Variants in RTL4 observed in about 807,000 individuals in gnomAD.
RTL4 encodes the protein retrotransposon Gag-like protein 4.
Under a neutral mutation model 5.3 loss-of-function variants are expected in RTL4, and 4 were observed. That is an observed-to-expected ratio of 0.75 (90% CI 0.37 to 1.72). The LOEUF (loss-of-function observed/expected upper bound fraction) is 1.72, where lower values mean the gene tolerates loss of function less well. Among genes scored for constraint, RTL4 ranks in the 40% most tolerant of loss-of-function variants. The pLI, the probability that RTL4 is intolerant of heterozygous loss-of-function variation, is 0.04. For missense variants in RTL4, 260 were observed against 227.1 expected, an observed-to-expected ratio of 1.14 and a Z score of -0.93; for synonymous variants, 98 against 87.3, an observed-to-expected ratio of 1.12 and a Z score of -0.68.
At chrX:112,085,698 C>A in the RTL4 span, among the ~76,000 whole-genome samples, 1 of 111,592 alleles carries the variant, frequency 9.0e-6, no homozygotes, top group Admixed American at 9.5e-5. Context: ...CACTGGGGAG[C>A]AAAATTATCC....
chrX:112,424,458 ATCT>A, the RTL4 span, among the ~76,000 whole-genome samples: 1 of 111,348 alleles, frequency 9.0e-6, no homozygotes, highest in Non-Finnish European at 1.9e-5. Flanking sequence ...TTGAAAATAA[ATCT>A]TCTGGTAACT....
chrX:112,402,399 ATT>A, the RTL4 span, among the ~76,000 whole-genome samples: 227 of 62,059 alleles, frequency 3.7e-3, 1 homozygote, highest in African/African-American at 0.012. Context: ...CGGAATTATT[ATT>A]GTGTGTGTGT....
the RTL4 span, among the ~76,000 whole-genome samples, chrX:112,092,039 C>T: frequency 9.0e-6 from 1 of 111,204 alleles, no homozygotes; most frequent in Non-Finnish European, 1.9e-5. Flanking sequence ...TTATAGGTAT[C>T]CTAAGCCTTT....
the RTL4 span, among the ~76,000 whole-genome samples, chrX:112,387,445 C>G: frequency 1.3e-4 from 14 of 108,532 alleles, no homozygotes; most frequent in African/African-American, 4.1e-4. Flanking sequence ...CATTTCTCAG[C>G]ACCATCCTGG....
At chrX:112,252,106 C>T in the RTL4 span, among the ~76,000 whole-genome samples, 5 of 111,939 alleles carry the variant, frequency 4.5e-5, no homozygotes, top group Non-Finnish European at 9.4e-5. Flanking sequence ...AAGATAAACA[C>T]GACATCTCTC....
At chrX:112,167,705 A>G in the RTL4 span, among the ~76,000 whole-genome samples, 2 of 107,347 alleles carry the variant, frequency 1.9e-5, no homozygotes, top group African/African-American at 6.8e-5. Context: ...TTGTTTTTCA[A>G]TCCTGCTCAT....
chrX:112,093,543 C>T, the RTL4 span, among the ~76,000 whole-genome samples: 1 of 111,653 alleles, frequency 9.0e-6, no homozygotes, highest in Admixed American at 9.5e-5. Flanking sequence ...TTGTTGGATA[C>T]CTCTTGTGTG....
At chrX:112,394,829 T>C in the RTL4 span, among the ~76,000 whole-genome samples, 45 of 112,333 alleles carry the variant, frequency 4.0e-4, no homozygotes, top group African/African-American at 1.4e-3. Context: ...GAAAGTATGG[T>C]AAATTCTTTT....
the RTL4 span, among the ~76,000 whole-genome samples, chrX:112,087,474 A>C: frequency 9.0e-6 from 1 of 110,668 alleles, no homozygotes; most frequent in Admixed American, 9.7e-5. Flanking sequence ...ATCATGTTTT[A>C]TAAAATCTAT....
At chrX:112,454,997 C>A in exon 1 of RTL4, 2 of 1,211,755 alleles carry the variant, frequency 1.7e-6, no homozygotes, top group Non-Finnish European at 2.2e-6. Context: ...ATCTCTAATC[C>A]TGCAAATGAT....
chrX:112,221,696 A>G, the RTL4 span, among the ~76,000 whole-genome samples: 1 of 112,615 alleles, frequency 8.9e-6, no homozygotes, highest in South Asian at 3.7e-4. Context: ...TCTCATGTAA[A>G]TCACGTAAAC....
chrX:112,456,045 G>A (rs941587148), exon 1 of RTL4: 29 of 281,203 alleles, frequency 1.0e-4, no homozygotes, highest in African/African-American at 7.3e-4. Flanking sequence ...AATCTTGTGT[G>A]CCTAGAAATG....
chrX:112,410,878 G>A, the RTL4 span, among the ~76,000 whole-genome samples: 1 of 111,243 alleles, frequency 9.0e-6, no homozygotes, highest in African/African-American at 3.3e-5. Flanking sequence ...AATAAATAAA[G>A]ATCAGAGCAG....
the RTL4 span, among the ~76,000 whole-genome samples, chrX:112,387,885 A>AT: frequency 1.8e-5 from 2 of 111,718 alleles, no homozygotes; most frequent in African/African-American, 6.5e-5. Context: ...TTTGTTTATG[A>AT]TTGCCTTGGC....
chrX:112,352,225 G>T, the RTL4 span, among the ~76,000 whole-genome samples: 2 of 111,384 alleles, frequency 1.8e-5, no homozygotes, highest in Non-Finnish European at 3.8e-5. Context: ...TAGAGTTTCT[G>T]CTGAGAGATC....
At chrX:112,209,622 C>T in the RTL4 span, among the ~76,000 whole-genome samples, 1 of 111,544 alleles carries the variant, frequency 9.0e-6, no homozygotes, top group African/African-American at 3.3e-5. Context: ...AGACGATGGG[C>T]ATTTGAGCCA....
the RTL4 span, among the ~76,000 whole-genome samples, chrX:112,300,291 T>C: frequency 8.9e-4 from 100 of 112,505 alleles, no homozygotes; most frequent in Non-Finnish European, 1.4e-3. Context: ...TTTTATTTAA[T>C]TGGTCCTCTG....
chrX:112,401,636 A>G, the RTL4 span, among the ~76,000 whole-genome samples: 1 of 110,759 alleles, frequency 9.0e-6, no homozygotes, highest in Non-Finnish European at 1.9e-5. Flanking sequence ...TTACATTAAC[A>G]CCCTTTAATT....
chrX:112,347,480 G>A, the RTL4 span, among the ~76,000 whole-genome samples: 1 of 111,133 alleles, frequency 9.0e-6, no homozygotes, highest in Non-Finnish European at 1.9e-5. Flanking sequence ...AGTCAAACTT[G>A]ACCTACTCAC....
Sources: allele counts gnomAD v4.1 joint callset (sites outside exome capture counted in the v4.1 genomes callset), GRCh38; gene constraint gnomAD v4.1.1; transcripts MANE v1.5; gene names NCBI Gene and HGNC (gene_info 2026-07-23, HGNC 2026-07-21).